KRT2: variants seen among roughly 807,000 people sequenced by gnomAD.
The protein encoded by KRT2 is keratin, type II cytoskeletal 2 epidermal.
In KRT2, 37 loss-of-function variants were observed where a neutral mutation model predicts 48.5. The ratio of observed to expected loss-of-function variants is 0.76; its 90% CI spans 0.59 to 1.00. The LOEUF (loss-of-function observed/expected upper bound fraction) is 1.00. Ranked by LOEUF, KRT2 falls within the 50% of genes least tolerant of loss-of-function variation. KRT2 has a pLI of 0.00. For missense variants in KRT2, 880 were observed against 815.2 expected, an observed-to-expected ratio of 1.08 and a Z score of -0.97; for synonymous variants, 324 against 312.2, an observed-to-expected ratio of 1.04 and a Z score of -0.40.
rs638043 is a variant in KRT2, at chr12:52,650,483, C to A, written c.656G>T (p.Gly219Val). 8.1e-6 allele frequency: 13 copies of A among 1,613,666 alleles called. No individual in the cohort carries two copies. Residue 219 changes from glycine (G) to valine (V), a missense_variant, in exon 2 of 9, where the codon GGC becomes GTC. Transcript: ENST00000309680. ...KWELLQQMNV[G>V]TRPINLEPIF... Reference sequence around the variant, plus strand: ...GGGCTCCAGGTTGATGGGGCGGGTGCCAACATTCATTTGTTGTAGCAGCTC... The same window carrying A: ...GGGCTCCAGGTTGATGGGGCGGGTGACAACATTCATTTGTTGTAGCAGCTC...
rs748582534 is a variant in KRT2 at position 52,650,376 on chromosome 12, T to C, written c.763A>G (p.Asn255Asp). ...AERTSQNSEL[N>D]NMQDLVEDYK... Reference sequence around the variant, plus strand: ...TCCTCCACAAGATCCTGCATGTTATTCAGCTCTGAATTCTGTGATGTTCTT... The same window carrying C: ...TCCTCCACAAGATCCTGCATGTTATCCAGCTCTGAATTCTGTGATGTTCTT... The change falls in exon 2 of 9, where the codon AAT becomes GAT. Residue 255 changes from asparagine to aspartate, a missense_variant. Physicochemically the swap from Asn to Asp is conservative, Grantham distance 23. Coordinates refer to ENST00000309680, the MANE Select transcript of KRT2 (RefSeq NM_000423.3). 5.0e-6 allele frequency: 8 copies of C among 1,614,120 alleles called. No individual in the cohort carries two copies. The Admixed American group carries it at 1.3e-4, about 27-fold the overall frequency.
chr12:52,648,029 G>T, intron 5 of KRT2, 144 bp downstream of exon 5: 2 of 1,213,286 alleles, frequency 1.6e-6, no homozygotes, highest in Non-Finnish European at 2.4e-6. Flanking sequence ...AGGACTTGGT[G>T]CCATTCTCAA....
In KRT2 at chr12:52,649,058, C is replaced by G. The variant is rs1941211004; in HGVS notation, c.906G>C (p.Lys302Asn). The stretch of plus-strand genomic sequence containing the variant: ...CAATTTCCTGGTTCAGCAGGTCCAC[C>G]TTGGACTGCAACTCCACCTTTATCA... ...AYMIKVELQS[K>N]VDLLNQEIEF... Residue 302 changes from lysine (K) to asparagine (N), a missense_variant, in exon 4 of 9, where the codon AAG becomes AAC. By Grantham distance (94) the Lys-to-Asn change is moderately conservative. Transcript: ENST00000309680. 1 of 1,613,758 alleles carries G rather than the reference C, an allele frequency of 6.2e-7. No individual in the cohort carries two copies. The highest frequency in any genetic ancestry group is 8.5e-7 in the Non-Finnish European group (1 of 1,179,700).
chr12:52,650,108 C>T, intron 2 of KRT2, 134 bp from the exon 3 acceptor site: 2 of 790,790 alleles, frequency 2.5e-6, no homozygotes, highest in Non-Finnish European at 4.4e-6. Flanking sequence ...TAAATTGAAA[C>T]TAAGATTTCC....
At chr12:52,651,499 G>C in intron 1 of KRT2, 59 bp downstream of exon 1, 2 of 1,278,812 alleles carry the variant, frequency 1.6e-6, no homozygotes, top group South Asian at 1.2e-5. Flanking sequence ...TTTCTTTTTG[G>C]TTGGCTCTGG....
In KRT2 at chr12:52,644,949, G is replaced by A; in HGVS notation, c.*70C>T. ...TAACTTGCTGCCAGTTAGAGGTACAGAGACAGGCTTCTACATTCTGGAGTG... is the reference window on the plus strand; with the variant it reads ...TAACTTGCTGCCAGTTAGAGGTACAAAGACAGGCTTCTACATTCTGGAGTG... On this transcript the variant is annotated 3_prime_UTR_variant, in exon 9 of 9. Coordinates refer to ENST00000309680, the MANE Select transcript of KRT2 (RefSeq NM_000423.3). 1 of 1,561,202 alleles carries A rather than the reference G, an allele frequency of 6.4e-7. No individual in the cohort carries two copies. Among genetic ancestry groups the A allele is most frequent in the Non-Finnish European group, 8.8e-7 (1 of 1,133,644 alleles).
rs668486 is a variant in KRT2 at position 52,647,699 on chromosome 12, C to T, written c.1248+31G>A. The T allele has an allele frequency of 4.5e-4, 725 of 1,612,162 alleles. 4 individuals carry two copies. The African/African-American group carries it at 8.9e-3, about 20-fold the overall frequency. The stretch of plus-strand genomic sequence containing the variant: ...CTCACGCACACCCAGAGACAACCTC[C>T]CGCCCCTCGCTGGACAGGGCTGGGC... On this transcript the variant is annotated intron_variant, in intron 6 of 8. Transcript: ENST00000309680.
At chr12:52,646,677 C>A in intron 7 of KRT2, 63 bp downstream of exon 7, 1 of 1,584,306 alleles carries the variant, frequency 6.3e-7, no homozygotes, top group Admixed American at 1.7e-5. Flanking sequence ...TGCCTCCAGC[C>A]CTGGCTCTGG....
In KRT2 at chr12:52,647,841, C is replaced by A. The variant is rs372743140; in HGVS notation, c.1137G>T (p.Gln379His). 1.1e-5 allele frequency: 18 copies of A among 1,614,156 alleles called. No homozygotes were observed. The highest frequency in any genetic ancestry group is 1.5e-5 in the Non-Finnish European group (18 of 1,180,030). ...ALYHSKYEEL[Q>H]VTVGRHGDSL... ...TGTCTCCATGTCTCCCGACAGTCACCTGGAGCTCCTCATACTGATATGGGG... is the reference window on the plus strand; with the variant it reads ...TGTCTCCATGTCTCCCGACAGTCACATGGAGCTCCTCATACTGATATGGGG... The change falls in exon 6 of 9, where the codon CAG becomes CAT. Residue 379 changes from glutamine to histidine, a missense_variant. Transcript: ENST00000309680.
chr12:52,651,932 T>C lies in KRT2; in HGVS notation c.211A>G (p.Ser71Gly). 1 of 1,613,434 alleles carries C rather than the reference T, an allele frequency of 6.2e-7. No individual in the cohort carries two copies. The change falls in exon 1 of 9, where the codon AGC becomes GGC. Residue 71 changes from serine (S) to glycine (G), a missense_variant. Transcript: ENST00000309680. ...RSLVGLGGTK[S>G]ISISVAGGGG... ...CCTCCAGCCACACTAATGGAGATGC[T>C]CTTGGTCCCTCCAAGGCCAACAAGA...
rs142748186 is a variant in KRT2, at chr12:52,651,984, G to A, written c.159C>T (p.Phe53=). The A allele has an allele frequency of 3.5e-4, 560 of 1,612,994 alleles. No homozygotes were observed. Among genetic ancestry groups the A allele is most frequent in the Admixed American group, 1.8e-3 (106 of 59,994 alleles). ...TCCGACTGCCAAAGCCGCCTCCACC[G>A]AAGCCCCCGCCACCACCACCATGGC... The part of the protein sequence containing the change: ...LSRHGGGGGG[F]GGGGFGSRSL... Residue 53 remains phenylalanine, a synonymous_variant, in exon 1 of 9, where the codon TTC becomes TTT. Coordinates refer to ENST00000309680, the MANE Select transcript of KRT2 (RefSeq NM_000423.3).
Position 52,651,615 on chromosome 12 carries a change from G to C in KRT2, c.528C>G (p.Ala176=), listed in dbSNP as rs778508761. The part of the protein sequence containing the change: ...KVDPEIQNVK[A]QEREQIKTLN... ...GAGTTTTGATCTGCTCACGCTCTTG[G>C]GCCTTCACATTCTGGATCTCTGGGT... Residue 176 remains alanine, a synonymous_variant, in exon 1 of 9, where the codon GCC becomes GCG. Coordinates refer to ENST00000309680, the MANE Select transcript of KRT2 (RefSeq NM_000423.3). The C allele has an allele frequency of 1.2e-6, 2 of 1,614,040 alleles. No individual in the cohort carries two copies. Among genetic ancestry groups the C allele is most frequent in the Non-Finnish European group, 1.7e-6 (2 of 1,180,002 alleles).
At position 52,645,520 on chromosome 12, in the gene KRT2, CA is replaced by C. The variant is rs1941151542; in HGVS notation, c.1504+14del. 4.3e-6 allele frequency: 7 copies of C among 1,614,066 alleles called. No homozygotes were observed. Among genetic ancestry groups the C allele is most frequent in the Admixed American group, 1.7e-5 (1 of 60,004 alleles). The stretch of plus-strand genomic sequence containing the variant: ...CACAACACCCCATGGAACAGGACCA[CA>C]CCCCATTACTTACACACAGTCACAT... On this transcript the variant is annotated intron_variant, in intron 8 of 8. Coordinates refer to ENST00000309680, the MANE Select transcript of KRT2 (RefSeq NM_000423.3).
chr12:52,646,124 T>G (rs1941158681), intron 7 of KRT2, among the ~76,000 whole-genome samples: 1 of 152,242 alleles, frequency 6.6e-6, no homozygotes, highest in Admixed American at 6.5e-5. Context: ...CTGTTTGTCA[T>G]GCTGGCTTGC....
intron 6 of KRT2, 93 bp downstream of exon 6, chr12:52,647,637 C>A: frequency 6.9e-7 from 1 of 1,455,578 alleles, no homozygotes. Flanking sequence ...CTCAGTGTCT[C>A]TCATCTCTCA....
In KRT2 at chr12:52,646,840, C is replaced by T; in HGVS notation, c.1369G>A (p.Ala457Thr). ...EALQQAKEDL[A>T]RLLRDYQELM... ...TCCTGGTAGTCACGCAGCAGCCGCG[C>T]CAAGTCCTCCTTGGCCTGCTGCAGG... The change falls in exon 7 of 9, where the codon GCG becomes ACG. Residue 457 changes from alanine to threonine, a missense_variant. Physicochemically the swap from Ala to Thr is moderately conservative, Grantham distance 58 (BLOSUM62 0). Transcript: ENST00000309680. 6.2e-7 allele frequency: 1 copy of T among 1,614,164 alleles called. No individual in the cohort carries two copies. Among genetic ancestry groups the T allele is most frequent in the Non-Finnish European group, 8.5e-7 (1 of 1,180,016 alleles).
intron 7 of KRT2, among the ~76,000 whole-genome samples, chr12:52,646,207 G>C (rs535702874): frequency 2.0e-5 from 3 of 152,138 alleles, no homozygotes; most frequent in African/African-American, 7.2e-5. Flanking sequence ...CTGATAATAC[G>C]GACAAAGGTC....
In KRT2 at chr12:52,646,886, C is replaced by T; in HGVS notation, c.1323G>A (p.Lys441=). The change falls in exon 7 of 9, where the codon AAG becomes AAA. Residue 441 remains lysine (K), a synonymous_variant. Coordinates refer to ENST00000309680, the MANE Select transcript of KRT2 (RefSeq NM_000423.3). ...GEHALKDARN[K]LNDLEEALQQ... ...GCAGGGCCTCCTCCAGGTCATTCAA[C>T]TTGTTCCTGGCATCCTTGAGGGCAT... The T allele has an allele frequency of 6.2e-7, 1 of 1,614,242 alleles. No individual in the cohort carries two copies. Among genetic ancestry groups the T allele is most frequent in the Non-Finnish European group, 8.5e-7 (1 of 1,180,036 alleles).
At chr12:52,650,264 A>T in intron 2 of KRT2, 75 bp downstream of exon 2, 1 of 1,287,768 alleles carries the variant, frequency 7.8e-7, no homozygotes, top group Non-Finnish European at 1.1e-6. Context: ...CTGGGAGATG[A>T]ATGGCTTTCC....
Sources: gnomAD v4.1 joint callset for allele counts (sites outside exome capture counted in the v4.1 genomes callset) on GRCh38, gnomAD v4.1.1 for gene constraint, MANE v1.5 for transcripts, NCBI Gene and HGNC (gene_info 2026-07-23, HGNC 2026-07-21) for gene names.